The following KPNA2 variants were observed in gnomAD, a reference collection of about 807,000 sequenced individuals.
The protein encoded by KPNA2 is importin subunit alpha-1.
In KPNA2, 20 loss-of-function variants were observed where a neutral mutation model predicts 53.7. The observed-to-expected ratio is 0.37, with a 90% confidence interval of 0.26 to 0.54. The LOEUF (loss-of-function observed/expected upper bound fraction) is 0.54. Ranked by LOEUF, KPNA2 falls within the 20% of genes least tolerant of loss-of-function variation. KPNA2 has a pLI of 0.83. For synonymous variants in KPNA2, 238 were observed against 227.5 expected (o/e 1.05, Z -0.42); for missense variants, 515 against 640.3 (o/e 0.80, Z 2.11).
Position 68,039,341 on chromosome 17 carries a change from G to A in KPNA2, c.214-1337G>A, listed in dbSNP as rs1414592144. Reference sequence around the variant, plus strand: ...TCACCGTGTTTCCCAGTCTGGTCTCGAACTCCTGACCTCAGGTGATCCACC... The same window carrying A: ...TCACCGTGTTTCCCAGTCTGGTCTCAAACTCCTGACCTCAGGTGATCCACC... On this transcript the variant is annotated intron_variant, in intron 3 of 10. Coordinates refer to ENST00000330459, the MANE Select transcript of KPNA2 (RefSeq NM_002266.4). Among the ~76,000 whole-genome samples the A allele has an allele frequency of 4.6e-5, 7 of 151,374 alleles. No homozygotes were observed. In the East Asian group the frequency reaches 7.9e-4, roughly 17 times the overall value.
Position 68,043,431 on chromosome 17 carries a change from G to A in KPNA2, c.930+68G>A, listed in dbSNP as rs898649947. The A allele has an allele frequency of 5.4e-6, 8 of 1,491,314 alleles. No individual in the cohort carries two copies. In the African/African-American group the frequency reaches 5.5e-5, roughly 10 times the overall value. 92.4% of individuals were successfully genotyped at this position (1,491,314 alleles called of 1,614,324 possible). A position where few individuals can be genotyped will look rare whatever the true frequency, so the allele number is the denominator to read the frequency against. ...ATGATCAGGGCTGGGCGTGGTAGTG[G>A]TGGCTCACACCTGTGTAATCCCAGC... On this transcript the variant is annotated intron_variant, in intron 7 of 10. Coordinates refer to ENST00000330459, the MANE Select transcript of KPNA2 (RefSeq NM_002266.4).
intron 1 of KPNA2, among the ~76,000 whole-genome samples, chr17:68,036,826 C>T (rs1296907073): frequency 6.6e-6 from 1 of 152,110 alleles, no homozygotes. Context: ...TCACTTGTTT[C>T]TTTTCTCCTT....
chr17:68,040,785 A>T lies in KPNA2; in HGVS notation c.302+19A>T. 6.8e-7 allele frequency: 1 copy of T among 1,476,720 alleles called. No individual in the cohort carries two copies. Among genetic ancestry groups the T allele is most frequent in the Non-Finnish European group, 9.3e-7 (1 of 1,071,618 alleles). 91.5% of individuals were successfully genotyped at this position (1,476,720 alleles called of 1,614,324 possible). A position where few individuals can be genotyped will look rare whatever the true frequency, so the allele number is the denominator to read the frequency against. On this transcript the variant is annotated intron_variant, in intron 4 of 10. Transcript: ENST00000330459. ...CTGCCAGGTAAGTCTTGTCTGCGAT[A>T]GCATGGGTAGCCTAAGAAATTTGTG...
In KPNA2 at chr17:68,037,492, C is replaced by T; in HGVS notation, c.210C>T (p.Asn70=). Residue 70 remains asparagine (N), a synonymous_variant, in exon 3 of 11, where the codon AAC becomes AAT. Transcript: ENST00000330459. ...ATSPLQENRN[N]QGTVNWSVDD... Reference sequence around the variant, plus strand: ...CTCCGCTGCAGGAAAACCGCAACAACCAGGTAAAAAATGTATTTTAGTTTA... The same window carrying T: ...CTCCGCTGCAGGAAAACCGCAACAATCAGGTAAAAAATGTATTTTAGTTTA... The T allele has an allele frequency of 6.2e-7, 1 of 1,610,812 alleles. No individual in the cohort carries two copies. The highest frequency in any genetic ancestry group is 8.5e-7 in the Non-Finnish European group (1 of 1,178,882).
intron 3 of KPNA2, 149 bp downstream of exon 3, chr17:68,037,644 G>A: frequency 1.3e-6 from 1 of 787,392 alleles, no homozygotes; most frequent in Non-Finnish European, 2.0e-6. Context: ...ATTAGTAATT[G>A]TCTTCTTTCC....
Position 68,040,653 on chromosome 17 carries a change from G to A in KPNA2, c.214-25G>A, listed in dbSNP as rs573621298. The A allele has an allele frequency of 3.7e-5, 54 of 1,475,896 alleles. No individual in the cohort carries two copies. The East Asian group carries it at 1.2e-3, about 33-fold the overall frequency. The allele number at this position is 1,475,896 out of a possible 1,614,324, so 91.4% of individuals were successfully genotyped here. A position where few individuals can be genotyped will look rare whatever the true frequency, so the allele number is the denominator to read the frequency against. On this transcript the variant is annotated intron_variant, in intron 3 of 10. Transcript: ENST00000330459. ...GTTTGTATTTAATCTTAATGATAAT[G>A]TGCAAACTTTCACTTTTCTTCTAGG... is the stretch of plus-strand genomic sequence containing the variant.
intron 3 of KPNA2, among the ~76,000 whole-genome samples, chr17:68,039,682 T>TG (rs1350963016): frequency 2.7e-5 from 4 of 149,642 alleles, no homozygotes; most frequent in Non-Finnish European, 4.5e-5. Flanking sequence ...CAGGAGGCTG[T>TG]GGCAGGAGAA....
In KPNA2 at chr17:68,043,249, C is replaced by T; in HGVS notation, c.816C>T (p.Cys272=). The T allele has an allele frequency of 6.2e-7, 1 of 1,614,136 alleles. No homozygotes were observed. The highest frequency in any genetic ancestry group is 2.2e-5 in the East Asian group (1 of 44,884). ...ATCCAGAAGTATTAGCAGATACCTG[C>T]TGGGCTATTTCCTACCTTACTGATG... ...HDDPEVLADT[C]WAISYLTDGP... The change falls in exon 7 of 11, where the codon TGC becomes TGT. Residue 272 remains cysteine, a synonymous_variant. Coordinates refer to ENST00000330459, the MANE Select transcript of KPNA2 (RefSeq NM_002266.4).
At chr17:68,040,280 TTTG>T (rs2071243539) in intron 3 of KPNA2, among the ~76,000 whole-genome samples, 1 of 149,596 alleles carries the variant, frequency 6.7e-6, no homozygotes, top group Non-Finnish European at 1.5e-5. Context: ...TTTTTTTTTT[TTTG>T]TTGGGAGGTC....
At chr17:68,045,206 C>T (rs1412537587) in intron 9 of KPNA2, among the ~76,000 whole-genome samples, 2 of 151,980 alleles carry the variant, frequency 1.3e-5, no homozygotes, top group South Asian at 2.1e-4. Context: ...CATCTAATCC[C>T]CTAAGTTATT....
At chr17:68,045,621 TA>T in intron 9 of KPNA2, 150 bp from the exon 10 acceptor site, 2 of 590,090 alleles carry the variant, frequency 3.4e-6, no homozygotes, top group Non-Finnish European at 5.8e-6. Flanking sequence ...CAACAAAATA[TA>T]AAATGGACAT....
intron 7 of KPNA2, 64 bp from the exon 8 acceptor site, chr17:68,043,774 G>T: frequency 1.0e-6 from 1 of 993,560 alleles, no homozygotes; most frequent in Non-Finnish European, 1.6e-6. Flanking sequence ...AAACTTTTAG[G>T]GTATAGAATT....
chr17:68,038,078 G>C (rs187485632), intron 3 of KPNA2, among the ~76,000 whole-genome samples: 119 of 152,292 alleles, frequency 7.8e-4, no homozygotes, highest in Middle Eastern at 3.4e-3. Flanking sequence ...CCGGGTTCAC[G>C]CCATTCTCCT....
rs782237679 is a variant in KPNA2 at position 68,042,887 on chromosome 17, T to A, written c.572-18T>A. On this transcript the variant is annotated intron_variant, in intron 5 of 10. Coordinates refer to ENST00000330459, the MANE Select transcript of KPNA2 (RefSeq NM_002266.4). ...TCAAAAAAAAAAAAAAAAAAATTAA[T>A]CTTGCCTTTTTTTTCAGGTGATGGC... The A allele has an allele frequency of 5.9e-6, 9 of 1,535,540 alleles. No homozygotes were observed. In the Admixed American group the frequency reaches 1.4e-4, roughly 24 times the overall value.
intron 3 of KPNA2, among the ~76,000 whole-genome samples, chr17:68,039,060 T>C (rs2071222566): frequency 6.6e-6 from 1 of 152,126 alleles, no homozygotes; most frequent in South Asian, 2.1e-4. Flanking sequence ...AGACTTAACT[T>C]AGATTTTCAA....
rs1555705336 is a variant in KPNA2 at position 68,045,802 on chromosome 17, CTT to C, written c.1379_1380del (p.Leu460GlnfsTer5). 6.3e-7 allele frequency: 1 copy of C among 1,585,504 alleles called. No homozygotes were observed. Among genetic ancestry groups the C allele is most frequent in the Admixed American group, 1.8e-5 (1 of 54,822 alleles). ...AAEKLGETEK[L>X]SIMIEECGGL... ...TGAGAAACTAGGTGAAACTGAGAAA[CTT>C]AGTATAATGATTGAAGAATGTGGAG... On this transcript the variant is annotated frameshift_variant, in exon 10 of 11. Coordinates refer to ENST00000330459, the MANE Select transcript of KPNA2 (RefSeq NM_002266.4). LOFTEE classifies it high-confidence loss of function.
chr17:68,045,662 G>A, intron 9 of KPNA2, 110 bp from the exon 10 acceptor site: 1 of 785,552 alleles, frequency 1.3e-6, no homozygotes. Flanking sequence ...TGAAGGAATT[G>A]TTAGGTGCTT....
chr17:68,038,066 T>G (rs1555704019), intron 3 of KPNA2, among the ~76,000 whole-genome samples: 1 of 151,992 alleles, frequency 6.6e-6, no homozygotes, highest in Admixed American at 6.6e-5. Flanking sequence ...AAGCTCCATC[T>G]CCCGGGTTCA....
At chr17:68,046,156 A>C (rs541903855) in intron 10 of KPNA2, among the ~76,000 whole-genome samples, 19 of 152,218 alleles carry the variant, frequency 1.2e-4, no homozygotes, top group Non-Finnish European at 2.4e-4. Context: ...AACCTTGAGA[A>C]TCTTAGAATA....
Sources: gnomAD v4.1 joint callset for allele counts (sites outside exome capture counted in the v4.1 genomes callset) on GRCh38, gnomAD v4.1.1 for gene constraint, MANE v1.5 for transcripts, NCBI Gene and HGNC (gene_info 2026-07-23, HGNC 2026-07-21) for gene names.